RARB: variants seen among roughly 807,000 people sequenced by gnomAD.
RARB encodes retinoic acid receptor beta, also known as HBV-activated protein.
Under a neutral mutation model 51.9 loss-of-function variants are expected in RARB, and 17 were observed. The observed-to-expected ratio is 0.33, with a 90% CI of 0.22 to 0.49. RARB has a LOEUF of 0.49. RARB is among the 20% of genes least tolerant of loss of function. The probability of loss-of-function intolerance (pLI) is 0.99; values close to 1 mark genes in which losing one functional copy is unlikely to be tolerated. For synonymous variants in RARB, 215 were observed against 195.4 expected, an observed-to-expected ratio of 1.10 and a Z score of -0.84; for missense variants, 369 against 550.8, an observed-to-expected ratio of 0.67 and a Z score of 3.30.
At chr3:25,007,605 C>CAAAA (rs1279154112) in intron 2 of RARB, among the ~76,000 whole-genome samples, 4 of 60,646 alleles carry the variant, frequency 6.6e-5, no homozygotes, top group East Asian at 1.5e-3. Flanking sequence ...AAAAAAAAAA[C>CAAAA]AAAAAAACCT....
At chr3:24,940,898 G>A (rs1251678588) in intron 2 of RARB, among the ~76,000 whole-genome samples, 1 of 152,048 alleles carries the variant, frequency 6.6e-6, no homozygotes, top group Non-Finnish European at 1.5e-5. Context: ...AGGAATTTAG[G>A]GAGAAAATGA....
chr3:24,971,664 G>A lies in RARB; in HGVS notation c.-379-88461G>A, dbSNP rs541754859. On this transcript the variant is annotated intron_variant, in intron 2 of 11. Coordinates refer to the RARB transcript ENST00000383772. ...GCTTTAAAAAGGACTGACAAAGGAGGTGATTACATGATCAGAGCAGTGGCT... is the reference window on the plus strand; with the variant it reads ...GCTTTAAAAAGGACTGACAAAGGAGATGATTACATGATCAGAGCAGTGGCT... Among the ~76,000 whole-genome samples, 4 of 152,128 alleles carry A rather than the reference G, an allele frequency of 2.6e-5. No individual in the cohort carries two copies. In the East Asian group the frequency reaches 5.8e-4, roughly 22 times the overall value.
At chr3:25,068,311 G>C (rs6777955) in intron 3 of RARB, among the ~76,000 whole-genome samples, 132,129 of 151,524 alleles carry the variant, frequency 0.87, 57,821 homozygotes, top group African/African-American at 0.94. Flanking sequence ...TCTAAGAGTT[G>C]AAGTTCCATT....
At position 25,177,279 on chromosome 3, in the gene RARB, A is replaced by T. The variant is rs183772856; in HGVS notation, c.178+2704A>T. On this transcript the variant is annotated intron_variant, in intron 5 of 11. Transcript: ENST00000383772. ...AGAAAAGGACAAAGACTTAAAAATTAACCACAGACTTGGCTAAAAATAAAT... is the reference window on the plus strand; with the variant it reads ...AGAAAAGGACAAAGACTTAAAAATTTACCACAGACTTGGCTAAAAATAAAT... Among the ~76,000 whole-genome samples the T allele has an allele frequency of 3.9e-5, 6 of 152,358 alleles. 1 individual carries two copies. Among genetic ancestry groups the T allele is most frequent in the Non-Finnish European group, 8.8e-5 (6 of 68,034 alleles).
In RARB at chr3:25,295,176, G is replaced by C. The variant is rs187885013; in HGVS notation, c.178+120601G>C. 2.0e-5 allele frequency among the ~76,000 whole-genome samples: 3 copies of C among 152,272 alleles called. No individual in the cohort carries two copies. The East Asian group carries it at 5.8e-4, about 29-fold the overall frequency. ...TTGTGTTCAAATCCTGGTTGTGCTTGCTTTGTGACTGTTGGGCATTTTAAC... is the reference window on the plus strand; with the variant it reads ...TTGTGTTCAAATCCTGGTTGTGCTTCCTTTGTGACTGTTGGGCATTTTAAC... On this transcript the variant is annotated intron_variant, in intron 5 of 11. Transcript: ENST00000383772.
At chr3:24,894,110 A>C (rs1559385825) in intron 2 of RARB, among the ~76,000 whole-genome samples, 1 of 152,106 alleles carries the variant, frequency 6.6e-6, no homozygotes, top group South Asian at 2.1e-4. Flanking sequence ...GAATTGTTTT[A>C]TTTTTTATAA....
chr3:25,231,478 G>T (rs1385281173), intron 5 of RARB, among the ~76,000 whole-genome samples: 1 of 152,104 alleles, frequency 6.6e-6, no homozygotes, highest in Admixed American at 6.6e-5. Context: ...AATACTCTTT[G>T]TTAAGAAGCA....
chr3:24,855,540 A>C (rs1702619769), intron 1 of RARB, among the ~76,000 whole-genome samples: 1 of 152,158 alleles, frequency 6.6e-6, no homozygotes, highest in Admixed American at 6.5e-5. Context: ...TCTGAGAAAT[A>C]AACATGATCA....
At chr3:25,222,360 G>C (rs778565567) in intron 5 of RARB, among the ~76,000 whole-genome samples, 7 of 152,046 alleles carry the variant, frequency 4.6e-5, no homozygotes, top group Non-Finnish European at 1.0e-4. Context: ...GTTCTTACTC[G>C]TCCAAGGATG....
intron 5 of RARB, among the ~76,000 whole-genome samples, chr3:25,314,810 T>G (rs1704381359): frequency 6.6e-6 from 1 of 152,150 alleles, no homozygotes; most frequent in Admixed American, 6.5e-5. Flanking sequence ...GTGGTGAGCG[T>G]AGTACCCAGT....
At chr3:25,311,577 A>G (rs1318229294) in intron 5 of RARB, among the ~76,000 whole-genome samples, 1 of 152,234 alleles carries the variant, frequency 6.6e-6, no homozygotes, top group East Asian at 1.9e-4. Context: ...TATTGGTGGC[A>G]GATAGTGCCA....
chr3:25,474,858 T>C (rs925903789), intron 2 of RARB, among the ~76,000 whole-genome samples: 1 of 152,200 alleles, frequency 6.6e-6, no homozygotes, highest in African/African-American at 2.4e-5. Context: ...AGGTGGAAAG[T>C]ATGCCCTACT....
intron 2 of RARB, among the ~76,000 whole-genome samples, chr3:25,003,052 C>T (rs550274311): frequency 1.8e-4 from 27 of 152,010 alleles, no homozygotes; most frequent in Non-Finnish European, 2.6e-4. Flanking sequence ...GTTGAATATT[C>T]GGTCACTTCT....
In RARB at chr3:25,201,471, C is replaced by A. The variant is rs929550832; in HGVS notation, c.178+26896C>A. ...GGCCAGAACTTCCAACACTGTGTTG[C>A]ATAGGAGTGGTGAAAGAGGGCATCC... On this transcript the variant is annotated intron_variant, in intron 5 of 11. Transcript: ENST00000383772. Among the ~76,000 whole-genome samples the A allele has an allele frequency of 2.6e-5, 4 of 152,182 alleles. No homozygotes were observed. The South Asian group carries it at 6.2e-4, about 24-fold the overall frequency.
intron 2 of RARB, among the ~76,000 whole-genome samples, chr3:24,882,671 CAT>C (rs112283723): frequency 3.5e-4 from 53 of 152,180 alleles, no homozygotes; most frequent in African/African-American, 1.1e-3. Flanking sequence ...TTACATTTTT[CAT>C]AGTTTAACTG....
At position 25,234,017 on chromosome 3, in the gene RARB, T is replaced by A. The variant is rs184901167; in HGVS notation, c.178+59442T>A. ...AGGCTATTCATGACAAATAGTGGTC[T>A]GCAGCTCTCTTGTAATATCTTTGTC... On this transcript the variant is annotated intron_variant, in intron 5 of 11. Transcript: ENST00000383772. Among the ~76,000 whole-genome samples the A allele has an allele frequency of 3.9e-5, 6 of 152,252 alleles. No homozygotes were observed. In the East Asian group the frequency reaches 1.2e-3, roughly 29 times the overall value.
chr3:25,440,986 A>G (rs557812921), intron 1 of RARB, among the ~76,000 whole-genome samples: 200 of 149,736 alleles, frequency 1.3e-3, no homozygotes, highest in African/African-American at 4.7e-3. Flanking sequence ...TCTGTCCTCT[A>G]TTTTTCCACT....
chr3:25,216,393 T>C (rs997050359), intron 5 of RARB, among the ~76,000 whole-genome samples: 2 of 152,202 alleles, frequency 1.3e-5, no homozygotes, highest in Non-Finnish European at 2.9e-5. Flanking sequence ...CACCATAGAA[T>C]ACTATGCAGC....
intron 2 of RARB, among the ~76,000 whole-genome samples, chr3:24,962,213 G>C (rs1030501080): frequency 1.3e-5 from 2 of 151,508 alleles, no homozygotes; most frequent in East Asian, 2.0e-4. Context: ...ACAGGTGTGA[G>C]CCACCTCGCC....
Sources: gnomAD v4.1 joint callset for allele counts (sites outside exome capture counted in the v4.1 genomes callset) on GRCh38, gnomAD v4.1.1 for gene constraint, MANE v1.5 for transcripts, NCBI Gene and HGNC (gene_info 2026-07-23, HGNC 2026-07-21) for gene names.